The following FAM184B variants were observed in gnomAD, a reference collection of about 807,000 sequenced individuals.
FAM184B encodes the protein protein FAM184B.
In FAM184B, 111 loss-of-function variants were observed where a neutral mutation model predicts 135.9. That is an observed-to-expected ratio of 0.82 (90% CI 0.70 to 0.96). FAM184B has a LOEUF of 0.96. Ranked by LOEUF, FAM184B falls within the 40% of genes least tolerant of loss-of-function variation. The pLI, the probability that FAM184B is intolerant of heterozygous loss-of-function variation, is 0.00. For synonymous variants in FAM184B, 552 were observed against 524.8 expected, an observed-to-expected ratio of 1.05 and a Z score of -0.71; for missense variants, 1,375 against 1,323.9, an observed-to-expected ratio of 1.04 and a Z score of -0.60.
At chr4:17,763,889 C>T (rs1184552885) in intron 1 of FAM184B, among the ~76,000 whole-genome samples, 2 of 152,118 alleles carry the variant, frequency 1.3e-5, no homozygotes, top group African/African-American at 2.4e-5. Flanking sequence ...ACAAGGCACA[C>T]CTACTTTTTT....
At chr4:17,694,257 C>T (rs1367489490) in intron 5 of FAM184B, among the ~76,000 whole-genome samples, 1 of 152,182 alleles carries the variant, frequency 6.6e-6, no homozygotes, top group African/African-American at 2.4e-5. Context: ...GGCGCGGTGG[C>T]TGACGCCTGT....
At chr4:17,753,776 G>A (rs1329467203) in intron 1 of FAM184B, among the ~76,000 whole-genome samples, 1 of 152,206 alleles carries the variant, frequency 6.6e-6, no homozygotes, top group Admixed American at 6.5e-5. Flanking sequence ...CACAGTCTTA[G>A]GTGACCATAA....
chr4:17,651,280 G>A (rs1202947175), intron 11 of FAM184B, among the ~76,000 whole-genome samples: 2 of 152,136 alleles, frequency 1.3e-5, no homozygotes, highest in East Asian at 1.9e-4. Flanking sequence ...GCTCACGCCT[G>A]TAATCCCAGC....
chr4:17,653,036 G>T, intron 10 of FAM184B, 53 bp from the exon 11 acceptor site: 2 of 1,516,980 alleles, frequency 1.3e-6, no homozygotes, highest in Non-Finnish European at 1.8e-6. Context: ...GAGGGTGGGA[G>T]ACCTGACTCC....
intron 1 of FAM184B, among the ~76,000 whole-genome samples, chr4:17,710,545 C>T (rs543730076): frequency 6.6e-6 from 1 of 152,208 alleles, no homozygotes; most frequent in Non-Finnish European, 1.5e-5. Context: ...AGGGACTCTT[C>T]TCAGCCTCAT....
chr4:17,728,302 G>T (rs1717689628), intron 1 of FAM184B, among the ~76,000 whole-genome samples: 1 of 152,120 alleles, frequency 6.6e-6, no homozygotes, highest in Non-Finnish European at 1.5e-5. Flanking sequence ...TGGGAGGATT[G>T]CTAGAGCCTA....
chr4:17,716,029 A>C (rs1163196765), intron 1 of FAM184B, among the ~76,000 whole-genome samples: 1 of 152,092 alleles, frequency 6.6e-6, no homozygotes, highest in Non-Finnish European at 1.5e-5. Context: ...GGCCTTAAAA[A>C]ACTCATCTTC....
chr4:17,646,420 G>A (rs1267643177), intron 12 of FAM184B, among the ~76,000 whole-genome samples: 1 of 152,188 alleles, frequency 6.6e-6, no homozygotes, highest in Non-Finnish European at 1.5e-5. Context: ...ATGAGTTCAT[G>A]TCCTTTGTAG....
At chr4:17,769,706 G>A (rs1347490533) in intron 1 of FAM184B, among the ~76,000 whole-genome samples, 1 of 152,260 alleles carries the variant, frequency 6.6e-6, no homozygotes, top group African/African-American at 2.4e-5. Flanking sequence ...TAAGATGACC[G>A]TAGTTCCTGG....
In FAM184B at chr4:17,693,402, G is replaced by A. The variant is rs1341077993; in HGVS notation, c.1388C>T (p.Ala463Val). 2 of 1,551,370 alleles carry A rather than the reference G, an allele frequency of 1.3e-6. No individual in the cohort carries two copies. Among genetic ancestry groups the A allele is most frequent in the South Asian group, 2.4e-5 (2 of 84,048 alleles). The stretch of plus-strand genomic sequence containing the variant: ...TTTCTTCCTCACTTCCTCCAACTGT[G>A]CTTCTACTTCCTAAATGATGATTGG... ...ERKKLQREVEAQLEEVRKKSE... is the reference protein window; with the variant it reads ...ERKKLQREVEVQLEEVRKKSE... Residue 463 changes from alanine to valine, a missense_variant, in exon 6 of 18, where the codon GCA (alanine) becomes GTA (valine). Transcript: ENST00000265018.
intron 1 of FAM184B, among the ~76,000 whole-genome samples, chr4:17,737,512 A>G (rs1717939709): frequency 6.6e-6 from 1 of 152,216 alleles, no homozygotes; most frequent in Non-Finnish European, 1.5e-5. Context: ...GAGGTTGAAA[A>G]GGAGCCAATA....
intron 11 of FAM184B, among the ~76,000 whole-genome samples, chr4:17,650,225 C>A (rs914660144): frequency 3.3e-5 from 5 of 152,174 alleles, no homozygotes; most frequent in Admixed American, 2.6e-4. Context: ...GTCTAGGTCC[C>A]AACCCTCTAG....
rs1714927564 is a variant in FAM184B, at chr4:17,631,196, G to T, written c.*1336C>A. ...GCAAATGGCTCAAACCCAAAGACCAGAGGTTCAGGGGATATATATATATAT... is the reference window on the plus strand; with the variant it reads ...GCAAATGGCTCAAACCCAAAGACCATAGGTTCAGGGGATATATATATATAT... On this transcript the variant is annotated 3_prime_UTR_variant, in exon 18 of 18. Coordinates refer to ENST00000265018, the MANE Select transcript of FAM184B (RefSeq NM_015688.2). 6.6e-6 allele frequency: 1 copy of T among 151,872 alleles called. No individual in the cohort carries two copies. The highest frequency in any genetic ancestry group is 2.4e-5 in the African/African-American group (1 of 41,152). The allele number at this position is 151,872 out of a possible 1,614,324, so 9.4% of individuals were successfully genotyped here. A position where few individuals can be genotyped will look rare whatever the true frequency, so the allele number is the denominator to read the frequency against.
intron 1 of FAM184B, among the ~76,000 whole-genome samples, chr4:17,753,666 G>A (rs1198141061): frequency 6.6e-6 from 1 of 152,206 alleles, no homozygotes; most frequent in African/African-American, 2.4e-5. Flanking sequence ...TGAGAGGGCT[G>A]TATATGCAAA....
Position 17,639,361 on chromosome 4 carries a change from C to T in FAM184B, c.2555G>A (p.Arg852Lys). The T allele has an allele frequency of 6.4e-7, 1 of 1,551,744 alleles. No individual in the cohort carries two copies. The highest frequency in any genetic ancestry group is 1.7e-4 in the Middle Eastern group (1 of 5,986). ...TTCCTGGCGCAGTGTCTCCACCTCCCTGGCCCGCTGGGCTTGCTGAGTCTC... is the reference window on the plus strand; with the variant it reads ...TTCCTGGCGCAGTGTCTCCACCTCCTTGGCCCGCTGGGCTTGCTGAGTCTC... ...LEETQQAQRA[R>K]EVETLRQEHR... The change falls in exon 14 of 18, where the codon AGG (arginine) becomes AAG (lysine). Residue 852 changes from arginine (R) to lysine (K), a missense_variant. By Grantham distance (26) the Arg-to-Lys change is conservative (BLOSUM62 2). Transcript: ENST00000265018.
Position 17,669,455 on chromosome 4 carries a change from A to T in FAM184B, c.1597-4796T>A, listed in dbSNP as rs769296698. On this transcript the variant is annotated intron_variant, in intron 7 of 17. Coordinates refer to ENST00000265018, the MANE Select transcript of FAM184B (RefSeq NM_015688.2). The stretch of plus-strand genomic sequence containing the variant: ...AGATGAGCATATGTACTATTACAAT[A>T]TAAATACATAAATGATGTATGATTA... Among the ~76,000 whole-genome samples, 10 of 152,372 alleles carry T rather than the reference A, an allele frequency of 6.6e-5. No individual in the cohort carries two copies. The South Asian group carries it at 2.1e-3, about 32-fold the overall frequency.
chr4:17,773,979 G>T (rs1242819482), intron 1 of FAM184B, among the ~76,000 whole-genome samples: 1 of 152,194 alleles, frequency 6.6e-6, no homozygotes, highest in Admixed American at 6.5e-5. Context: ...TGTGTTTGGG[G>T]TAAGACATTC....
Position 17,709,490 on chromosome 4 carries a change from T to C in FAM184B, c.296A>G (p.Gln99Arg), listed in dbSNP as rs921539766. 3 of 1,549,264 alleles carry C rather than the reference T, an allele frequency of 1.9e-6. No individual in the cohort carries two copies. The highest frequency in any genetic ancestry group is 2.0e-5 in the Admixed American group (1 of 50,734). ...QGCAEEEALL[Q>R]RIQALESALE... ...GGCGCTCTCCAGGGCCTGGATGCGC[T>C]GTAGAAGGGCTTCCTCCTCTGCGCA... The change falls in exon 2 of 18, where the codon CAG becomes CGG. Residue 99 changes from glutamine (Q) to arginine (R), a missense_variant. Physicochemically the swap from Gln to Arg is conservative, Grantham distance 43. Coordinates refer to ENST00000265018, the MANE Select transcript of FAM184B (RefSeq NM_015688.2).
chr4:17,753,035 A>G (rs1718336801), intron 1 of FAM184B, among the ~76,000 whole-genome samples: 1 of 152,106 alleles, frequency 6.6e-6, no homozygotes, highest in South Asian at 2.1e-4. Flanking sequence ...GGTCTTTTCA[A>G]TTTGGTAGCT....
Sources: allele counts gnomAD v4.1 joint callset (sites outside exome capture counted in the v4.1 genomes callset), GRCh38; gene constraint gnomAD v4.1.1; transcripts MANE v1.5; gene names NCBI Gene and HGNC (gene_info 2026-07-23, HGNC 2026-07-21).